The following PHF21B variants were observed in gnomAD, a reference collection of about 807,000 sequenced individuals.
PHF21B encodes the protein PHD finger protein 4.
A neutral mutation model predicts 62.2 loss-of-function variants in PHF21B; 22 were observed. The observed-to-expected ratio is 0.35, with a 90% CI of 0.25 to 0.51. PHF21B has a LOEUF of 0.51. Ranked by LOEUF, PHF21B falls within the 20% of genes least tolerant of loss-of-function variation. The pLI, the probability that PHF21B is intolerant of heterozygous loss-of-function variation, is 0.97. For missense variants in PHF21B, 701 were observed against 707.9 expected, an observed-to-expected ratio of 0.99 and a Z score of 0.11; for synonymous variants, 341 against 314.7, an observed-to-expected ratio of 1.08 and a Z score of -0.88.
At chr22:44,970,058 C>T (rs544622372) in intron 2 of PHF21B, among the ~76,000 whole-genome samples, 1 of 152,256 alleles carries the variant, frequency 6.6e-6, no homozygotes, top group Admixed American at 6.5e-5. Context: ...CACAGCTCCA[C>T]GCTAGCACTG....
intron 2 of PHF21B, among the ~76,000 whole-genome samples, chr22:44,983,070 C>A (rs564759026): frequency 6.6e-6 from 1 of 152,058 alleles, no homozygotes; most frequent in African/African-American, 2.4e-5. Flanking sequence ...CCTGTCTCCA[C>A]TAAAAATTCA....
intron 2 of PHF21B, among the ~76,000 whole-genome samples, chr22:44,961,609 C>A (rs1459186320): frequency 6.6e-6 from 1 of 151,962 alleles, no homozygotes; most frequent in African/African-American, 2.4e-5. Flanking sequence ...GGGAGGCCTA[C>A]GTGGGCAGAG....
chr22:44,948,645 T>G (rs1476021806), intron 2 of PHF21B, among the ~76,000 whole-genome samples: 3 of 149,918 alleles, frequency 2.0e-5, no homozygotes, highest in Non-Finnish European at 4.4e-5. Flanking sequence ...GAGCCGAGAC[T>G]GTGCCACTGC....
intron 2 of PHF21B, among the ~76,000 whole-genome samples, chr22:44,946,944 C>T (rs1295120216): frequency 1.3e-5 from 2 of 152,164 alleles, no homozygotes; most frequent in African/African-American, 2.4e-5. Context: ...AAACGGGGCA[C>T]AGGATAGAGG....
chr22:44,887,025 G>A (rs150234929), intron 10 of PHF21B, among the ~76,000 whole-genome samples: 10,154 of 151,776 alleles, frequency 0.067, 655 homozygotes, highest in African/African-American at 0.17. Context: ...GAGTGGTGGC[G>A]CATGCCTGTA....
rs935625619 is a variant in PHF21B, at chr22:44,946,442, C to T, written c.121-25952G>A. Among the ~76,000 whole-genome samples, 11 of 152,074 alleles carry T rather than the reference C, an allele frequency of 7.2e-5. No homozygotes were observed. The South Asian group carries it at 1.5e-3, about 20-fold the overall frequency. ...TCTCGAAGAGTGCTGGCGTCCTGGG[C>T]GCTCAGTGTACACGTACTGAGTGGG... is the stretch of plus-strand genomic sequence containing the variant. On this transcript the variant is annotated intron_variant, in intron 2 of 12. Transcript: ENST00000313237.
At chr22:44,943,706 CAT>C (rs1483650404) in intron 2 of PHF21B, among the ~76,000 whole-genome samples, 1 of 152,146 alleles carries the variant, frequency 6.6e-6, no homozygotes, top group Non-Finnish European at 1.5e-5. Context: ...TGGCCGGGCA[CAT>C]GACAGCGACT....
intron 2 of PHF21B, among the ~76,000 whole-genome samples, chr22:44,967,927 C>T (rs2072560747): frequency 6.6e-6 from 1 of 152,166 alleles, no homozygotes; most frequent in Non-Finnish European, 1.5e-5. Flanking sequence ...CTGTTTCTCT[C>T]TTGATGAGGC....
intron 5 of PHF21B, among the ~76,000 whole-genome samples, chr22:44,911,843 T>C (rs1423693859): frequency 6.6e-6 from 1 of 152,110 alleles, no homozygotes; most frequent in Non-Finnish European, 1.5e-5. Flanking sequence ...ACCAGAATGA[T>C]AGATCCACCA....
chr22:44,989,542 G>C (rs1299177717), intron 2 of PHF21B: 6 of 148,948 alleles, frequency 4.0e-5, no homozygotes, highest in African/African-American at 1.5e-4. Context: ...CTGAGAGAGA[G>C]AGGAAAAAAG....
intron 2 of PHF21B, among the ~76,000 whole-genome samples, chr22:44,943,851 A>G (rs1277800326): frequency 6.6e-6 from 1 of 152,074 alleles, no homozygotes; most frequent in African/African-American, 2.4e-5. Context: ...GGGAAAAGCC[A>G]CCTGCAGCAT....
chr22:44,946,460 T>C (rs982378429), intron 2 of PHF21B, among the ~76,000 whole-genome samples: 3 of 152,042 alleles, frequency 2.0e-5, no homozygotes, highest in Non-Finnish European at 4.4e-5. Flanking sequence ...GTACACGTAC[T>C]GAGTGGGATG....
At chr22:44,917,908 T>C (rs1181508374) in intron 3 of PHF21B, among the ~76,000 whole-genome samples, 1 of 152,204 alleles carries the variant, frequency 6.6e-6, no homozygotes, top group Non-Finnish European at 1.5e-5. Context: ...CCCTTGAGTC[T>C]AGTGATCTCT....
chr22:44,894,186 G>A lies in PHF21B; in HGVS notation c.884-653C>T, dbSNP rs574160599. 2.0e-5 allele frequency among the ~76,000 whole-genome samples: 3 copies of A among 152,294 alleles called. No homozygotes were observed. The South Asian group carries it at 6.2e-4, about 32-fold the overall frequency. ...ATATTACTCAGCCTGTTTTCTGTAA[G>A]GCACTCAGACCTTCTGTGGAATAAC... On this transcript the variant is annotated intron_variant, in intron 6 of 12. Coordinates refer to ENST00000313237, the MANE Select transcript of PHF21B (RefSeq NM_138415.5).
intron 5 of PHF21B, among the ~76,000 whole-genome samples, chr22:44,896,891 T>TTTGTTTGTTTG (rs1159339943): frequency 7.0e-6 from 1 of 142,434 alleles, no homozygotes; most frequent in Non-Finnish European, 1.6e-5. Flanking sequence ...TTTTTTTTTT[T>TTTGTTTGTTTG]TTTTTGAGAC....
intron 5 of PHF21B, among the ~76,000 whole-genome samples, chr22:44,911,249 C>T (rs1354092691): frequency 4.6e-5 from 7 of 152,060 alleles, no homozygotes; most frequent in Admixed American, 2.6e-4. Flanking sequence ...CCTGACAATG[C>T]GATAGAAAAG....
chr22:44,981,173 A>C (rs532585118), intron 2 of PHF21B, among the ~76,000 whole-genome samples: 64 of 152,284 alleles, frequency 4.2e-4, no homozygotes, highest in African/African-American at 1.3e-3. Context: ...AGGTTGGAGA[A>C]AGAGGGAGAC....
chr22:44,988,952 A>G (rs1009320457), intron 2 of PHF21B, among the ~76,000 whole-genome samples: 10 of 152,168 alleles, frequency 6.6e-5, no homozygotes, highest in Non-Finnish European at 1.5e-4. Context: ...ACGAAGGCAG[A>G]CAGACACCCT....
At position 44,885,869 on chromosome 22, in the gene PHF21B, T is replaced by C; in HGVS notation, c.1267A>G (p.Lys423Glu). ...CTCCCCAGGGATGCCTCACCTGTCT[T>C]GTGGGTGACATAAGAGTGCACGATG... ...LAIVHSYVTH[K>E]TVKEEEKQKL... Residue 423 changes from lysine (K) to glutamate (E), a missense_variant, in exon 11 of 13, where the codon AAG (lysine) becomes GAG (glutamate). Lys to Glu is a moderately conservative substitution (Grantham distance 56). Transcript: ENST00000313237. 1 of 1,614,046 alleles carries C rather than the reference T, an allele frequency of 6.2e-7. No individual in the cohort carries two copies. The highest frequency in any genetic ancestry group is 8.5e-7 in the Non-Finnish European group (1 of 1,179,960).
Sources: gnomAD v4.1 joint callset for allele counts (sites outside exome capture counted in the v4.1 genomes callset) on GRCh38, gnomAD v4.1.1 for gene constraint, MANE v1.5 for transcripts, NCBI Gene and HGNC (gene_info 2026-07-23, HGNC 2026-07-21) for gene names.